The following ADGRG5 variants were observed in gnomAD, a reference collection of about 807,000 sequenced individuals.
ADGRG5 encodes the protein adhesion G protein-coupled receptor G5, also known as G protein-coupled receptor 114.
ADGRG5 carries 37 observed loss-of-function variants against 53.2 expected under a neutral mutation model. The ratio of observed to expected loss-of-function variants is 0.70; its 90% CI spans 0.53 to 0.91. The LOEUF (loss-of-function observed/expected upper bound fraction) is 0.91, where lower values mean the gene tolerates loss of function less well. Ranked by LOEUF, ADGRG5 falls within the 40% of genes least tolerant of loss-of-function variation. ADGRG5 has a pLI of 0.00. For missense variants in ADGRG5, 614 were observed against 675.8 expected, an observed-to-expected ratio of 0.91 and a Z score of 1.01; for synonymous variants, 277 against 290.4, an observed-to-expected ratio of 0.95 and a Z score of 0.47.
At chr16:57,564,509 C>T (rs1376528208) in intron 5 of ADGRG5, among the ~76,000 whole-genome samples, 1 of 152,190 alleles carries the variant, frequency 6.6e-6, no homozygotes, top group African/African-American at 2.4e-5. Context: ...ACCACGTTGG[C>T]CAGGCTGATC....
At chr16:57,541,412 A>G (rs1260346333), upstream of ADGRG5, among the ~76,000 whole-genome samples, 1 of 152,152 alleles carries the variant, frequency 6.6e-6, no homozygotes. Context: ...AAGAAGGGCC[A>G]AGGCTTGCCC....
At chr16:57,550,931 G>A (rs186500261) in intron 1 of ADGRG5, among the ~76,000 whole-genome samples, 1 of 152,312 alleles carries the variant, frequency 6.6e-6, no homozygotes, top group Admixed American at 6.5e-5. Context: ...GGGAGGCTGA[G>A]GCAGGAGAAT....
In ADGRG5 at chr16:57,566,643, G is replaced by A. The variant is rs373340963; in HGVS notation, c.591G>A (p.Arg197=). The A allele has an allele frequency of 2.8e-5, 45 of 1,584,234 alleles. No homozygotes were observed. The African/African-American group carries it at 5.3e-4, about 19-fold the overall frequency. Residue 197 remains arginine (R), a synonymous_variant, in exon 7 of 12, where the codon AGG becomes AGA. Coordinates refer to ENST00000349457, the MANE Select transcript of ADGRG5 (RefSeq NM_001304376.3). Reference sequence around the variant, plus strand: ...GTGTCTTCTGGAAGGAGGGAGCCAGGAAACAGCCCTGGGGGGGCTGGAGCC... The same window carrying A: ...GTGTCTTCTGGAAGGAGGGAGCCAGAAAACAGCCCTGGGGGGGCTGGAGCC... ...LTCVFWKEGA[R]KQPWGGWSPE...
intron 1 of ADGRG5, among the ~76,000 whole-genome samples, chr16:57,544,164 G>T (rs1481045207): frequency 1.3e-5 from 2 of 152,196 alleles, no homozygotes; most frequent in Non-Finnish European, 2.9e-5. Context: ...GGACCGTGGA[G>T]GCCTGGGTTT....
At position 57,575,590 on chromosome 16, in the gene ADGRG5, AGGCTAC is replaced by A; in HGVS notation, c.*57_*62del. 1.4e-6 allele frequency: 2 copies of A among 1,433,632 alleles called. No individual in the cohort carries two copies. Among genetic ancestry groups the A allele is most frequent in the South Asian group, 2.3e-5 (2 of 87,006 alleles). 88.8% of individuals were successfully genotyped at this position (1,433,632 alleles called of 1,614,324 possible). A position where few individuals can be genotyped will look rare whatever the true frequency, so the allele number is the denominator to read the frequency against. ...AGCCTCTCTGGCCGCCAGTAGCCTGAGGCTACGGCTCCTGCTAGAGAGGGTGGCAGG... is the reference window on the plus strand; with the variant it reads ...AGCCTCTCTGGCCGCCAGTAGCCTGAGGCTCCTGCTAGAGAGGGTGGCAGG... On this transcript the variant is annotated 3_prime_UTR_variant, in exon 12 of 12. Transcript: ENST00000349457.
chr16:57,545,851 A>C (rs1269630971), intron 1 of ADGRG5, among the ~76,000 whole-genome samples: 1 of 152,112 alleles, frequency 6.6e-6, no homozygotes, highest in South Asian at 2.1e-4. Context: ...TTTGAGACAG[A>C]GTCTTGCTCT....
chr16:57,557,457 T>C lies in ADGRG5; in HGVS notation c.-38-4599T>C, dbSNP rs577068923. On this transcript the variant is annotated intron_variant, in intron 1 of 11. Coordinates refer to ENST00000349457, the MANE Select transcript of ADGRG5 (RefSeq NM_001304376.3). ...TGTGTTTTTCTTTGCATTTATTCCA[T>C]TGGGTTTTGCAGAGCTTCTTGGATC... Among the ~76,000 whole-genome samples, 167 of 152,342 alleles carry C rather than the reference T, an allele frequency of 1.1e-3. 1 individual carries two copies. The highest frequency in any genetic ancestry group is 3.9e-3 in the African/African-American group (162 of 41,588).
the ADGRG5 span, chr16:57,529,416 C>A: frequency 1.5e-4 from 42 of 276,958 alleles, no homozygotes; most frequent in Non-Finnish European, 2.3e-4. This position sits in a 1 kb window ranked among gnomAD's most constrained non-coding sequence, Gnocchi z 4.1. Context: ...ACAGAACGGC[C>A]AAGGTAGGAG....
At chr16:57,551,993 A>G (rs1162967382) in intron 1 of ADGRG5, among the ~76,000 whole-genome samples, 1 of 151,984 alleles carries the variant, frequency 6.6e-6, no homozygotes, top group Non-Finnish European at 1.5e-5. Flanking sequence ...GTGACTAGGT[A>G]CATTGTCGAT....
At chr16:57,542,231 A>G (rs2032502026), upstream of ADGRG5, among the ~76,000 whole-genome samples, 2 of 152,194 alleles carry the variant, frequency 1.3e-5, no homozygotes, top group Admixed American at 6.5e-5. Context: ...GGTCTTTGCC[A>G]TCATCAATAT....
chr16:57,531,268 G>C, the ADGRG5 span, among the ~76,000 whole-genome samples: 2 of 149,320 alleles, frequency 1.3e-5, no homozygotes, highest in Non-Finnish European at 3.0e-5. Context: ...TCCTCCGAGA[G>C]AAGGCACTTC....
intron 10 of ADGRG5, among the ~76,000 whole-genome samples, chr16:57,571,526 A>G (rs1384580343): frequency 1.3e-5 from 2 of 152,160 alleles, no homozygotes; most frequent in Non-Finnish European, 2.9e-5. Flanking sequence ...TTCAATTTAC[A>G]TGAATTGTTC....
intron 1 of ADGRG5, among the ~76,000 whole-genome samples, chr16:57,560,144 C>T (rs974958637): frequency 5.3e-5 from 8 of 152,164 alleles, no homozygotes; most frequent in Non-Finnish European, 1.0e-4. Context: ...CTGCTCCCTC[C>T]GGATGGGAAA....
chr16:57,538,624 CCT>C (rs1218325752), upstream of ADGRG5, among the ~76,000 whole-genome samples: 1 of 152,092 alleles, frequency 6.6e-6, no homozygotes, highest in Non-Finnish European at 1.5e-5. Flanking sequence ...CCCCCAGGCG[CCT>C]CTCTGAATGC....
At chr16:57,566,502 A>G in intron 6 of ADGRG5, 97 bp from the exon 7 acceptor site, 1 of 1,100,144 alleles carries the variant, frequency 9.1e-7, no homozygotes, top group Non-Finnish European at 1.2e-6. Flanking sequence ...AATGTTGGCA[A>G]ATGTGCAGTT....
upstream of ADGRG5, among the ~76,000 whole-genome samples, chr16:57,539,646 G>T (rs2032461756): frequency 6.6e-6 from 1 of 151,278 alleles, no homozygotes; most frequent in South Asian, 2.1e-4. Flanking sequence ...TAGAGGCAGG[G>T]TCTGCTATGT....
intron 6 of ADGRG5, chr16:57,565,421 T>A: frequency 2.2e-6 from 1 of 452,992 alleles, no homozygotes; most frequent in Admixed American, 3.9e-5. Flanking sequence ...CTAGAGGTGA[T>A]CCACCAGCTT....
chr16:57,561,114 T>G (rs995845477), intron 1 of ADGRG5, among the ~76,000 whole-genome samples: 1 of 152,190 alleles, frequency 6.6e-6, no homozygotes, highest in Non-Finnish European at 1.5e-5. Flanking sequence ...CTTCATCCCC[T>G]CTTCAGAGGT....
Position 57,568,214 on chromosome 16 carries a change from C to T in ADGRG5, c.1090+90C>T, listed in dbSNP as rs766725819. 40 of 1,340,640 alleles carry T rather than the reference C, an allele frequency of 3.0e-5. No individual in the cohort carries two copies. The Admixed American group carries it at 3.2e-4, about 11-fold the overall frequency. 83.0% of individuals were successfully genotyped at this position (1,340,640 alleles called of 1,614,324 possible). On this transcript the variant is annotated intron_variant, in intron 9 of 11. Coordinates refer to ENST00000349457, the MANE Select transcript of ADGRG5 (RefSeq NM_001304376.3). ...GTCCTTTCTTTCCCCTCCTCCTCATCGTCATAGTGGCCATTACATGACCAC... is the reference window on the plus strand; with the variant it reads ...GTCCTTTCTTTCCCCTCCTCCTCATTGTCATAGTGGCCATTACATGACCAC...
Sources: allele counts gnomAD v4.1 joint callset (sites outside exome capture counted in the v4.1 genomes callset), GRCh38; gene constraint gnomAD v4.1.1; non-coding constraint Gnocchi (gnomAD v3.1); transcripts MANE v1.5; gene names NCBI Gene and HGNC (gene_info 2026-07-23, HGNC 2026-07-21).